Variants in NTRK3 observed in about 807,000 individuals in gnomAD.
NTRK3 encodes the protein neurotrophic receptor tyrosine kinase 3.
NTRK3 carries 24 observed loss-of-function variants against 91.7 expected under a neutral mutation model. The ratio of observed to expected loss-of-function variants is 0.26; its 90% CI spans 0.19 to 0.37. The LOEUF (loss-of-function observed/expected upper bound fraction) is 0.37. Among genes scored for constraint, NTRK3 ranks in the 10% least tolerant of loss-of-function variants. The pLI is 1.00. For synonymous variants in NTRK3, 483 were observed against 404.0 expected, an observed-to-expected ratio of 1.20 and a Z score of -2.34; for missense variants, 880 against 1,068.9, an observed-to-expected ratio of 0.82 and a Z score of 2.46.
chr15:88,041,712 T>C (rs1422911488), intron 13 of NTRK3, among the ~76,000 whole-genome samples: 1 of 151,384 alleles, frequency 6.6e-6, no homozygotes, highest in African/African-American at 2.4e-5. Flanking sequence ...TTGTGATTGG[T>C]GGGGGTGCTG....
intron 14 of NTRK3, among the ~76,000 whole-genome samples, chr15:88,000,316 G>T (rs1296976720): frequency 6.6e-6 from 1 of 152,170 alleles, no homozygotes; most frequent in Non-Finnish European, 1.5e-5. Flanking sequence ...TCTCACAATC[G>T]AACAAGGAGC....
At chr15:88,076,452 C>A (rs1441769187) in intron 13 of NTRK3, among the ~76,000 whole-genome samples, 1 of 152,108 alleles carries the variant, frequency 6.6e-6, no homozygotes, top group Non-Finnish European at 1.5e-5. Context: ...TCTCCTGACC[C>A]CTCACTACAT....
At chr15:87,950,440 G>C (rs1042187552) in intron 14 of NTRK3, among the ~76,000 whole-genome samples, 2 of 152,152 alleles carry the variant, frequency 1.3e-5, no homozygotes, top group African/African-American at 4.8e-5. Flanking sequence ...AGAGGCAGCA[G>C]CACCCCCCAA....
chr15:88,194,536 C>T (rs2047663669), intron 3 of NTRK3, among the ~76,000 whole-genome samples: 1 of 152,226 alleles, frequency 6.6e-6, no homozygotes, highest in African/African-American at 2.4e-5. Context: ...CTATCTACTT[C>T]TTGCCACATC....
intron 17 of NTRK3, among the ~76,000 whole-genome samples, chr15:87,880,906 A>G (rs1341103436): frequency 6.6e-6 from 1 of 152,234 alleles, no homozygotes; most frequent in Non-Finnish European, 1.5e-5. Context: ...CGAATCTCTC[A>G]CCACAATTTA....
intron 14 of NTRK3, among the ~76,000 whole-genome samples, chr15:87,989,696 G>GAA (rs112878239): frequency 5.6e-5 from 8 of 143,306 alleles, no homozygotes; most frequent in African/African-American, 2.0e-4. Flanking sequence ...GTGCTGACAC[G>GAA]AAAAAAAAAA....
intron 14 of NTRK3, among the ~76,000 whole-genome samples, chr15:87,956,463 G>A (rs1367258921): frequency 2.6e-5 from 4 of 152,200 alleles, no homozygotes; most frequent in South Asian, 2.1e-4. Flanking sequence ...TAGTAGAGAC[G>A]GGGTTTTGCC....
intron 13 of NTRK3, among the ~76,000 whole-genome samples, chr15:88,059,336 A>G (rs963681322): frequency 1.3e-5 from 2 of 152,308 alleles, no homozygotes; most frequent in East Asian, 3.9e-4. Context: ...AGTCCAGAAC[A>G]TACAATGATT....
At chr15:88,149,328 A>T (rs755143746) in intron 5 of NTRK3, among the ~76,000 whole-genome samples, 2 of 152,108 alleles carry the variant, frequency 1.3e-5, no homozygotes, top group African/African-American at 2.4e-5. Flanking sequence ...AGGGTACTGG[A>T]GGAGAAGGGA....
At chr15:88,069,136 C>T (rs1421499802) in intron 13 of NTRK3, among the ~76,000 whole-genome samples, 1 of 152,152 alleles carries the variant, frequency 6.6e-6, no homozygotes, top group African/African-American at 2.4e-5. Flanking sequence ...ACTTCAGTCC[C>T]ACTCTCAAGT....
At chr15:87,935,055 C>A (rs2069145483) in intron 15 of NTRK3, among the ~76,000 whole-genome samples, 1 of 152,220 alleles carries the variant, frequency 6.6e-6, no homozygotes, top group Middle Eastern at 3.4e-3. Flanking sequence ...AAGTAACTTG[C>A]CAAAGATCAC....
rs761863559 is a variant in NTRK3, at chr15:87,932,998, C to T, written c.1889+14G>A. On this transcript the variant is annotated intron_variant, in intron 16 of 18. Coordinates refer to ENST00000394480, the Ensembl canonical transcript of NTRK3. ...GACTGGGGTCAGGTGCAGGGGAAGA[C>T]AATCCTTGCTTACCTGAGGAACTTA... 7 of 1,613,802 alleles carry T rather than the reference C, an allele frequency of 4.3e-6. No individual in the cohort carries two copies. The highest frequency in any genetic ancestry group is 5.9e-6 in the Non-Finnish European group (7 of 1,179,936).
In NTRK3 at chr15:88,255,887, G is replaced by T; in HGVS notation, c.248+19C>A. The T allele has an allele frequency of 1.3e-6, 2 of 1,596,784 alleles. No individual in the cohort carries two copies. Among genetic ancestry groups the T allele is most frequent in the Non-Finnish European group, 8.6e-7 (1 of 1,168,352 alleles). On this transcript the variant is annotated intron_variant, in intron 3 of 18. Transcript: ENST00000394480. The surrounding 1 kb of genome is among the most constrained non-coding windows in gnomAD (Gnocchi z 4.3). ...CAGAGCGCGGGGGAGGCAGGCTGGG[G>T]AGCGGCCGCCTGACTTACATGGAAG... is the stretch of plus-strand genomic sequence containing the variant.
chr15:87,912,931 A>AAAAAAAATATAT (rs1484111389), intron 17 of NTRK3, among the ~76,000 whole-genome samples: 1 of 36,498 alleles, frequency 2.7e-5, no homozygotes, highest in Non-Finnish European at 4.7e-5. Flanking sequence ...AGTAAAAAAA[A>AAAAAAAATATAT]ATATATATAT....
chr15:88,021,497 C>T (rs1383030755), intron 14 of NTRK3, among the ~76,000 whole-genome samples: 1 of 152,184 alleles, frequency 6.6e-6, no homozygotes, highest in Non-Finnish European at 1.5e-5. Flanking sequence ...CTTGGTAAGT[C>T]TCAGGGATCT....
At chr15:87,886,934 G>C (rs1471673938) in intron 17 of NTRK3, among the ~76,000 whole-genome samples, 2 of 151,498 alleles carry the variant, frequency 1.3e-5, no homozygotes, top group East Asian at 3.9e-4. Flanking sequence ...GAATATCATA[G>C]ACTGGTTTAT....
intron 3 of NTRK3, among the ~76,000 whole-genome samples, chr15:88,197,830 G>A (rs765946631): frequency 8.5e-5 from 13 of 152,242 alleles, no homozygotes; most frequent in African/African-American, 2.4e-4. Context: ...TCATCATGCC[G>A]TCTCCCCTCT....
In NTRK3 at chr15:87,876,958, T is replaced by C; in HGVS notation, c.2455A>G (p.Ile819Val). 5 of 1,613,822 alleles carry C rather than the reference T, an allele frequency of 3.1e-6. No homozygotes were observed. Among genetic ancestry groups the C allele is most frequent in the Non-Finnish European group, 4.2e-6 (5 of 1,179,950 alleles). ...CACTAGCCAAGAATGTCCAGGTAGATTGGGGTGGCCTTCCCCAAAGCATGG... is the reference window on the plus strand; with the variant it reads ...CACTAGCCAAGAATGTCCAGGTAGACTGGGGTGGCCTTCCCCAAAGCATGG... The change falls in exon 19 of 19, where the codon ATC becomes GTC. Residue 819 changes from isoleucine (I) to valine (V), a missense_variant. This residue lies in a region of NTRK3 where 38 missense variants were observed against 31.4 expected (regional missense o/e 1.21). Transcript: ENST00000394480.
chr15:88,135,441 C>T, intron 9 of NTRK3, 44 bp from the exon 10 acceptor site: 1 of 1,599,108 alleles, frequency 6.3e-7, no homozygotes, highest in Non-Finnish European at 8.5e-7. Context: ...ACAGAGTCTA[C>T]CACCTCCTGC....
Sources: gnomAD v4.1 joint callset for allele counts (sites outside exome capture counted in the v4.1 genomes callset) on GRCh38, gnomAD v4.1.1 for gene constraint, gnomAD v4.1.1 regional missense constraint, Gnocchi (gnomAD v3.1) non-coding constraint, MANE v1.5 for transcripts, NCBI Gene and HGNC (gene_info 2026-07-23, HGNC 2026-07-21) for gene names.